AHRR: variants seen among roughly 807,000 people sequenced by gnomAD.
The protein encoded by AHRR is ahR repressor.
AHRR carries 28 observed loss-of-function variants against 44.0 expected under a neutral mutation model. That is an observed-to-expected ratio of 0.64 (90% CI 0.47 to 0.87). AHRR has a LOEUF of 0.87. Ranked by LOEUF, AHRR falls within the 40% of genes least tolerant of loss-of-function variation. The probability of loss-of-function intolerance (pLI) is 0.00; values close to 1 mark genes in which losing one functional copy is unlikely to be tolerated. For synonymous variants in AHRR, 434 were observed against 407.0 expected, an observed-to-expected ratio of 1.07 and a Z score of -0.80; for missense variants, 990 against 953.9, an observed-to-expected ratio of 1.04 and a Z score of -0.50.
intron 1 of AHRR, among the ~76,000 whole-genome samples, chr5:336,523 T>C (rs1055436898): frequency 6.6e-6 from 1 of 152,260 alleles, no homozygotes; most frequent in Non-Finnish European, 1.5e-5. Context: ...TAAGAGTTCT[T>C]TGTCTATGCT....
intron 4 of AHRR, among the ~76,000 whole-genome samples, chr5:402,144 T>C (rs909340041): frequency 1.3e-5 from 2 of 152,156 alleles, no homozygotes; most frequent in Non-Finnish European, 2.9e-5. Context: ...AAGGACCTGA[T>C]AGACGCTTCT....
Position 338,235 on chromosome 5 carries a change from TAGTC to T in AHRR, c.-10-5654_-10-5651del, listed in dbSNP as rs1332297886. ...AAATTATGCATATTTCACCCTCTAGTAGTCAGTTCTTGCGCTTTTTGTGCCATGT... is the reference window on the plus strand; with the variant it reads ...AAATTATGCATATTTCACCCTCTAGTAGTTCTTGCGCTTTTTGTGCCATGT... On this transcript the variant is annotated intron_variant, in intron 1 of 10. Coordinates refer to ENST00000684583, the MANE Select transcript of AHRR (RefSeq NM_001377236.1). This position sits in a 1 kb window ranked among gnomAD's most constrained non-coding sequence, Gnocchi z 4.1. 6.6e-6 allele frequency among the ~76,000 whole-genome samples: 1 copy of T among 152,184 alleles called. No individual in the cohort carries two copies. The highest frequency in any genetic ancestry group is 1.5e-5 in the Non-Finnish European group (1 of 68,030).
At chr5:382,251 C>A (rs1013772183) in intron 4 of AHRR, among the ~76,000 whole-genome samples, 3 of 152,168 alleles carry the variant, frequency 2.0e-5, no homozygotes, top group Non-Finnish European at 4.4e-5. Context: ...GTATTATTTT[C>A]TCTTGAAATG....
chr5:367,902 C>A (rs1469713362), intron 3 of AHRR: 3 of 702,420 alleles, frequency 4.3e-6, no homozygotes, highest in Non-Finnish European at 7.8e-6. Flanking sequence ...CATTGGACAC[C>A]CAGGCCCTGA....
At chr5:421,828 C>T (rs941433385) in intron 5 of AHRR, among the ~76,000 whole-genome samples, 2 of 152,170 alleles carry the variant, frequency 1.3e-5, no homozygotes, top group South Asian at 2.1e-4. Flanking sequence ...ATGCTCGTCC[C>T]TTTAGGGTGA....
At chr5:381,506 CTTTTTTTTTTTT>C (rs781159124) in intron 4 of AHRR, among the ~76,000 whole-genome samples, 1 of 46,892 alleles carries the variant, frequency 2.1e-5, no homozygotes, top group Non-Finnish European at 3.8e-5. Context: ...CTTAGGTTTG[CTTTTTTTTTTTT>C]TTTTTTTTTT....
intron 8 of AHRR, among the ~76,000 whole-genome samples, chr5:429,150 T>C (rs1736602661): frequency 1.3e-5 from 2 of 152,192 alleles, no homozygotes; most frequent in African/African-American, 2.4e-5. Flanking sequence ...GCTGTGCCTA[T>C]AGAAACTGTG....
chr5:397,421 CT>C (rs1231769533), intron 4 of AHRR, among the ~76,000 whole-genome samples: 2 of 121,232 alleles, frequency 1.6e-5, no homozygotes, highest in African/African-American at 2.9e-5. Context: ...CTGTTAGCCC[CT>C]GACCATCCAC....
chr5:399,971 G>A (rs1047036626), intron 4 of AHRR, among the ~76,000 whole-genome samples: 2 of 152,230 alleles, frequency 1.3e-5, no homozygotes, highest in African/African-American at 4.8e-5. Context: ...TGCCTCGCAC[G>A]CACGCAAGCC....
chr5:433,818 G>C, intron 10 of AHRR, 35 bp from the exon 11 acceptor site: 1 of 1,472,816 alleles, frequency 6.8e-7, no homozygotes, highest in Non-Finnish European at 9.0e-7. Flanking sequence ...GGTGTCTTCA[G>C]CTGCTGTCAA....
At chr5:363,875 A>G (rs962184767) in intron 3 of AHRR, among the ~76,000 whole-genome samples, 1 of 152,216 alleles carries the variant, frequency 6.6e-6, no homozygotes, top group Non-Finnish European at 1.5e-5. Context: ...TCCTCTACCT[A>G]GATCACCCAG....
intron 4 of AHRR, among the ~76,000 whole-genome samples, chr5:409,781 A>G (rs1735400385): frequency 6.6e-6 from 1 of 152,172 alleles, no homozygotes; most frequent in African/African-American, 2.4e-5. Flanking sequence ...ATTTTAAAAT[A>G]AAGCCCAATT....
intron 1 of AHRR, among the ~76,000 whole-genome samples, chr5:329,017 G>A (rs1741825621): frequency 1.3e-5 from 2 of 152,160 alleles, no homozygotes; most frequent in Non-Finnish European, 2.9e-5. Flanking sequence ...GACCTGGTGG[G>A]AAGTGATTGG....
intron 1 of AHRR, among the ~76,000 whole-genome samples, chr5:325,506 A>C (rs1003574994): frequency 6.6e-6 from 1 of 152,120 alleles, no homozygotes; most frequent in Admixed American, 6.5e-5. Context: ...TCCAGCCACC[A>C]AGTGCCCAAC....
rs11352803 is a variant in AHRR, at chr5:419,168, ATTT to A, written c.442-3547_442-3545del. 7.0e-5 allele frequency: 10 copies of A among 142,142 alleles called. No homozygotes were observed. Among genetic ancestry groups the A allele is most frequent in the African/African-American group, 1.0e-4 (4 of 38,492 alleles). The allele number at this position is 142,142 out of a possible 1,614,324, so 8.8% of individuals were successfully genotyped here. A position where few individuals can be genotyped will look rare whatever the true frequency, so the allele number is the denominator to read the frequency against. ...GAATCTATTTTTTAAAAGGAATGGG[ATTT>A]TTTTTTTTTTTTTGAGACAGTCTTG... is the stretch of plus-strand genomic sequence containing the variant. On this transcript the variant is annotated intron_variant, in intron 5 of 10. Coordinates refer to ENST00000684583, the MANE Select transcript of AHRR (RefSeq NM_001377236.1). The surrounding 1 kb of genome is among the most constrained non-coding windows in gnomAD (Gnocchi z 4.4).
rs185337720 is a variant in AHRR, at chr5:407,432, G to A, written c.352-5912G>A. 1.3e-3 allele frequency among the ~76,000 whole-genome samples: 199 copies of A among 152,242 alleles called. 11 individuals carry two copies. In the East Asian group the frequency reaches 0.021, roughly 16 times the overall value. ...AGCTTCTTTGATGTTTTTGTAAACG[G>A]GGCTTTCTCTACAATTATGTACCCT... On this transcript the variant is annotated intron_variant, in intron 4 of 10. Transcript: ENST00000684583.
At position 388,393 on chromosome 5, in the gene AHRR, G is replaced by A. The variant is rs933685282; in HGVS notation, c.351+11677G>A. ...CCATCCATCGATGGCTATGGGGAGG[G>A]TACCTGCCATTACCTCTGTTTATGC... On this transcript the variant is annotated intron_variant, in intron 4 of 10. Transcript: ENST00000684583. The surrounding 1 kb of genome is among the most constrained non-coding windows in gnomAD (Gnocchi z 5.2). Among the ~76,000 whole-genome samples, 80 of 152,230 alleles carry A rather than the reference G, an allele frequency of 5.3e-4. No individual in the cohort carries two copies. Among genetic ancestry groups the A allele is most frequent in the Non-Finnish European group, 7.3e-5 (5 of 68,036 alleles).
rs1434357447 is a variant in AHRR, at chr5:326,176, T to C, written c.-11+4357T>C. Among the ~76,000 whole-genome samples the C allele has an allele frequency of 6.6e-6, 1 of 152,266 alleles. No individual in the cohort carries two copies. The highest frequency in any genetic ancestry group is 6.5e-5 in the Admixed American group (1 of 15,290). On this transcript the variant is annotated intron_variant, in intron 1 of 10. Coordinates refer to ENST00000684583, the MANE Select transcript of AHRR (RefSeq NM_001377236.1). The surrounding 1 kb of genome is among the most constrained non-coding windows in gnomAD (Gnocchi z 4.1). ...AGGGGCATTTAGTACATTGACGAAG[T>C]TGTGCAGCCACTGCCTCTCTCTAGC...
chr5:331,206 T>A (rs1026454411), intron 1 of AHRR, among the ~76,000 whole-genome samples: 1 of 152,172 alleles, frequency 6.6e-6, no homozygotes, highest in African/African-American at 2.4e-5. Flanking sequence ...GGGAGGTTTT[T>A]AATTACTGAT....
Sources: gnomAD v4.1 joint callset for allele counts (sites outside exome capture counted in the v4.1 genomes callset) on GRCh38, gnomAD v4.1.1 for gene constraint, Gnocchi (gnomAD v3.1) non-coding constraint, MANE v1.5 for transcripts, NCBI Gene and HGNC (gene_info 2026-07-23, HGNC 2026-07-21) for gene names.